Variants in MTHFD1L observed in about 807,000 individuals in gnomAD.
MTHFD1L encodes monofunctional C1-tetrahydrofolate synthase, mitochondrial.
A neutral mutation model predicts 119.5 loss-of-function variants in MTHFD1L; 81 were observed. The ratio of observed to expected loss-of-function variants is 0.68; its 90% CI spans 0.57 to 0.82. The LOEUF (loss-of-function observed/expected upper bound fraction) is 0.82, where lower values mean the gene tolerates loss of function less well. Ranked by LOEUF, MTHFD1L falls within the 40% of genes least tolerant of loss-of-function variation. The pLI, the probability that MTHFD1L is intolerant of heterozygous loss-of-function variation, is 0.00. For synonymous variants in MTHFD1L, 430 were observed against 475.2 expected, an observed-to-expected ratio of 0.90 and a Z score of 1.24; for missense variants, 1,125 against 1,253.4, an observed-to-expected ratio of 0.90 and a Z score of 1.55.
At chr6:150,976,324 C>T (rs2129030106) in intron 20 of MTHFD1L, among the ~76,000 whole-genome samples, 1 of 152,314 alleles carries the variant, frequency 6.6e-6, no homozygotes, top group African/African-American at 2.4e-5. Context: ...AACCCGTCAA[C>T]CCTTTTGAAG....
chr6:151,056,048 A>G (rs1452574094), intron 26 of MTHFD1L: 3 of 152,198 alleles, frequency 2.0e-5, no homozygotes, highest in Non-Finnish European at 4.4e-5. Flanking sequence ...TCAAAGGGGA[A>G]CATGTCTATT....
intron 26 of MTHFD1L, among the ~76,000 whole-genome samples, chr6:151,045,405 C>A (rs1787843315): frequency 6.6e-6 from 1 of 152,096 alleles, no homozygotes; most frequent in Non-Finnish European, 1.5e-5. Context: ...CCTTTTTCCC[C>A]CTCTCTCCAC....
Position 150,961,133 on chromosome 6 carries a change from G to A in MTHFD1L, c.1944+718G>A, listed in dbSNP as rs1213374868. Among the ~76,000 whole-genome samples, 12 of 123,208 alleles carry A rather than the reference G, an allele frequency of 9.7e-5. No homozygotes were observed. In the South Asian group the frequency reaches 3.2e-3, roughly 33 times the overall value. 80.8% of individuals were successfully genotyped at this position (123,208 alleles called of 152,430 possible). Reference sequence around the variant, plus strand: ...TTTTCTGAGACAGTCTGGCTCTGTTGCCCAGGCTGGAGTGCAATGGCACGA... The same window carrying A: ...TTTTCTGAGACAGTCTGGCTCTGTTACCCAGGCTGGAGTGCAATGGCACGA... On this transcript the variant is annotated intron_variant, in intron 18 of 27. Coordinates refer to ENST00000367321, the MANE Select transcript of MTHFD1L (RefSeq NM_015440.5).
intron 7 of MTHFD1L, among the ~76,000 whole-genome samples, chr6:150,903,363 T>C (rs956247103): frequency 1.3e-5 from 2 of 151,822 alleles, no homozygotes; most frequent in African/African-American, 4.8e-5. Flanking sequence ...GGTTTAGTGG[T>C]ATTTTGGCCC....
chr6:150,958,481 A>G (rs77814163), intron 17 of MTHFD1L, among the ~76,000 whole-genome samples: 1,568 of 152,264 alleles, frequency 0.01, 18 homozygotes, highest in African/African-American at 0.035. Context: ...CAAATTTCCA[A>G]TGTTGACATA....
chr6:150,966,756 G>A (rs1288059974), intron 19 of MTHFD1L, among the ~76,000 whole-genome samples: 6 of 152,178 alleles, frequency 3.9e-5, no homozygotes, highest in Non-Finnish European at 8.8e-5. Flanking sequence ...AACAGGAGGC[G>A]AAGATTACAG....
At chr6:151,043,214 T>G (rs193054075) in intron 26 of MTHFD1L, among the ~76,000 whole-genome samples, 425 of 151,642 alleles carry the variant, frequency 2.8e-3, no homozygotes, top group South Asian at 0.014. Context: ...GTGTTGGGAG[T>G]TGGAGAGGGG....
Position 150,919,727 on chromosome 6 carries a change from C to T in MTHFD1L, c.984+1059C>T, listed in dbSNP as rs75906557. On this transcript the variant is annotated intron_variant, in intron 9 of 27. Coordinates refer to ENST00000367321, the MANE Select transcript of MTHFD1L (RefSeq NM_015440.5). The stretch of plus-strand genomic sequence containing the variant: ...GAGAACTCATTCACTATCACAAGGA[C>T]GCTACCGAGGGAGATGATGCTAAAC... Among the ~76,000 whole-genome samples the T allele has an allele frequency of 1.6e-3, 250 of 152,236 alleles. 2 individuals are homozygous for T. The highest frequency in any genetic ancestry group is 5.7e-3 in the African/African-American group (235 of 41,554).
intron 2 of MTHFD1L, among the ~76,000 whole-genome samples, chr6:150,876,877 C>G (rs1236429275): frequency 6.6e-6 from 1 of 152,216 alleles, no homozygotes; most frequent in African/African-American, 2.4e-5. Context: ...GATTACAGAG[C>G]TGTGCTCAAG....
chr6:150,888,018 T>C (rs991123911), intron 7 of MTHFD1L, 37 bp downstream of exon 7: 7 of 1,569,366 alleles, frequency 4.5e-6, no homozygotes, highest in African/African-American at 2.8e-5. Context: ...CTTGAAGGCT[T>C]CTGTTAGAAC....
rs1450538226 is a variant in MTHFD1L, at chr6:150,885,674, G to A, written c.583G>A (p.Ala195Thr). The change falls in exon 6 of 28, where the codon GCC becomes ACC. Residue 195 changes from alanine to threonine, a missense_variant. Physicochemically the swap from Ala to Thr is moderately conservative, Grantham distance 58 (BLOSUM62 0). This residue lies in a region of MTHFD1L where 1,058 missense variants were observed against 1,151.2 expected (regional missense o/e 0.92). Transcript: ENST00000367321. ...CCTGGGGAAGCTGGTGCGAGGGGATGCCCATGAATGTTTTGTTTCACCTGT... is the reference window on the plus strand; with the variant it reads ...CCTGGGGAAGCTGGTGCGAGGGGATACCCATGAATGTTTTGTTTCACCTGT... ...INLGKLVRGD[A>T]HECFVSPVAK... The A allele has an allele frequency of 6.2e-7, 1 of 1,614,070 alleles. No homozygotes were observed. The highest frequency in any genetic ancestry group is 8.5e-7 in the Non-Finnish European group (1 of 1,179,960).
intron 20 of MTHFD1L, among the ~76,000 whole-genome samples, chr6:151,006,685 T>A (rs1194054989): frequency 6.6e-6 from 1 of 152,182 alleles, no homozygotes. Context: ...TCTGCTACTC[T>A]CTTTTTATTT....
At chr6:150,911,733 T>C (rs577282648) in intron 8 of MTHFD1L, among the ~76,000 whole-genome samples, 48 of 152,250 alleles carry the variant, frequency 3.2e-4, no homozygotes, top group African/African-American at 1.1e-3. Flanking sequence ...GGACTTACAG[T>C]TCCACATGGC....
chr6:150,939,873 C>A (rs948239750), intron 13 of MTHFD1L, among the ~76,000 whole-genome samples: 7 of 151,894 alleles, frequency 4.6e-5, no homozygotes, highest in African/African-American at 1.7e-4. Flanking sequence ...TTAGTAGAGA[C>A]GGGGTTTCAC....
chr6:150,932,310 G>T (rs1273719816), intron 11 of MTHFD1L, among the ~76,000 whole-genome samples: 1 of 152,072 alleles, frequency 6.6e-6, no homozygotes, highest in East Asian at 1.9e-4. Flanking sequence ...GGCGAGACAG[G>T]CATGTCAGAA....
At chr6:151,070,755 C>A (rs1046480040) in intron 26 of MTHFD1L, among the ~76,000 whole-genome samples, 16 of 152,284 alleles carry the variant, frequency 1.1e-4, no homozygotes, top group South Asian at 8.3e-4. Context: ...GTTTGCCAAC[C>A]CCTGATCTAG....
At chr6:150,969,614 C>T (rs1797743490) in intron 19 of MTHFD1L, among the ~76,000 whole-genome samples, 1 of 151,694 alleles carries the variant, frequency 6.6e-6, no homozygotes. Context: ...GACACAAGAA[C>T]TCCTCAACCT....
In MTHFD1L at chr6:150,885,666, G is replaced by A. The variant is rs750978722; in HGVS notation, c.575G>A (p.Arg192Gln). ...VTDINLGKLV[R>Q]GDAHECFVSP... ...GACATAAACCTGGGGAAGCTGGTGCGAGGGGATGCCCATGAATGTTTTGTT... is the reference window on the plus strand; with the variant it reads ...GACATAAACCTGGGGAAGCTGGTGCAAGGGGATGCCCATGAATGTTTTGTT... The change falls in exon 6 of 28, where the codon CGA (arginine) becomes CAA (glutamine). Residue 192 changes from arginine (R) to glutamine (Q), a missense_variant. Transcript: ENST00000367321. 40 of 1,613,944 alleles carry A rather than the reference G, an allele frequency of 2.5e-5. No individual in the cohort carries two copies. The highest frequency in any genetic ancestry group is 3.3e-4 in the Middle Eastern group (2 of 6,084).
chr6:151,003,187 T>C (rs1780857433), intron 20 of MTHFD1L, among the ~76,000 whole-genome samples: 1 of 151,994 alleles, frequency 6.6e-6, no homozygotes, highest in Non-Finnish European at 1.5e-5. Context: ...ATTTTGAAAG[T>C]ACCAAACAGA....
Sources: gnomAD v4.1 joint callset for allele counts (sites outside exome capture counted in the v4.1 genomes callset) on GRCh38, gnomAD v4.1.1 for gene constraint, gnomAD v4.1.1 regional missense constraint, MANE v1.5 for transcripts, NCBI Gene and HGNC (gene_info 2026-07-23, HGNC 2026-07-21) for gene names.